CD109: variants seen among roughly 807,000 people sequenced by gnomAD.
CD109 encodes CD109 antigen.
A neutral mutation model predicts 165.8 loss-of-function variants in CD109; 149 were observed. The observed-to-expected ratio is 0.90, with a 90% CI of 0.79 to 1.03. The LOEUF (loss-of-function observed/expected upper bound fraction) is 1.03. Among genes scored for constraint, CD109 ranks in the 50% least tolerant of loss-of-function variants. The pLI is 0.00. For missense variants in CD109, 1,712 were observed against 1,677.8 expected, an observed-to-expected ratio of 1.02 and a Z score of -0.36; for synonymous variants, 585 against 592.1, an observed-to-expected ratio of 0.99 and a Z score of 0.18.
chr6:73,718,480 A>T (rs772310752), intron 2 of CD109, among the ~76,000 whole-genome samples: 108 of 151,964 alleles, frequency 7.1e-4, no homozygotes, highest in Non-Finnish European at 1.3e-3. Flanking sequence ...ATTTTATCAA[A>T]TTTTTTTAAA....
At chr6:73,805,324 G>A (rs756677409) in intron 24 of CD109, among the ~76,000 whole-genome samples, 72 of 152,176 alleles carry the variant, frequency 4.7e-4, no homozygotes, top group Non-Finnish European at 4.3e-4. Flanking sequence ...AAAGAATTAA[G>A]TGCTGTGCTT....
At chr6:73,731,078 C>T (rs1297373598) in intron 4 of CD109, among the ~76,000 whole-genome samples, 3 of 151,484 alleles carry the variant, frequency 2.0e-5, no homozygotes, top group Non-Finnish European at 4.4e-5. Flanking sequence ...TGGAGTTTCA[C>T]TCTTGTTGCC....
At chr6:73,776,819 A>G (rs950838039) in intron 15 of CD109, among the ~76,000 whole-genome samples, 5 of 151,962 alleles carry the variant, frequency 3.3e-5, no homozygotes, top group African/African-American at 1.2e-4. Flanking sequence ...GGCCTCCCAA[A>G]GTGCTGGGGT....
chr6:73,771,043 C>A (rs1447971448), intron 14 of CD109, among the ~76,000 whole-genome samples: 2 of 152,140 alleles, frequency 1.3e-5, no homozygotes, highest in Admixed American at 6.5e-5. Context: ...CTCACGTCAC[C>A]AACATGTAGG....
intron 5 of CD109, among the ~76,000 whole-genome samples, chr6:73,746,406 A>G (rs183835592): frequency 1.3e-5 from 2 of 152,312 alleles, no homozygotes; most frequent in East Asian, 3.9e-4. Flanking sequence ...TTTCCTATTC[A>G]GTACAAACCT....
intron 2 of CD109, among the ~76,000 whole-genome samples, chr6:73,717,058 T>C (rs1582052840): frequency 6.6e-6 from 1 of 152,230 alleles, no homozygotes; most frequent in Non-Finnish European, 1.5e-5. Context: ...TATATGTTCT[T>C]GGCACCTTTG....
chr6:73,808,370 A>C (rs1344035095), intron 26 of CD109, 122 bp downstream of exon 26: 8 of 958,846 alleles, frequency 8.3e-6, no homozygotes, highest in Non-Finnish European at 1.2e-5. Flanking sequence ...AGTAAAACAC[A>C]TAATGAGATC....
At chr6:73,726,337 T>C (rs1341149681) in intron 3 of CD109, among the ~76,000 whole-genome samples, 1 of 152,338 alleles carries the variant, frequency 6.6e-6, no homozygotes, top group African/African-American at 2.4e-5. Flanking sequence ...ATATAAATAT[T>C]GTTTTGTACA....
chr6:73,820,357 G>T, intron 31 of CD109, 104 bp from the exon 32 acceptor site: 3 of 610,932 alleles, frequency 4.9e-6, no homozygotes. Context: ...TCCTCCCTAA[G>T]TGTTAGTCTC....
chr6:73,715,760 G>C (rs959294421), intron 2 of CD109, among the ~76,000 whole-genome samples: 4 of 152,092 alleles, frequency 2.6e-5, no homozygotes, highest in African/African-American at 9.7e-5. Flanking sequence ...TTTGTCCTTT[G>C]TGTTACAAAC....
At chr6:73,823,354 AAT>A in intron 32 of CD109, 102 bp from the exon 33 acceptor site, 1 of 851,076 alleles carries the variant, frequency 1.2e-6, no homozygotes, top group Non-Finnish European at 1.8e-6. Flanking sequence ...TTAGGTTAAG[AAT>A]GGAAAACTCA....
At chr6:73,771,005 A>C (rs1408582898) in intron 14 of CD109, among the ~76,000 whole-genome samples, 1 of 152,092 alleles carries the variant, frequency 6.6e-6, no homozygotes, top group Non-Finnish European at 1.5e-5. Context: ...TGAGTCCCCG[A>C]GGAGCTCTCC....
chr6:73,719,677 G>C (rs1478056502), intron 2 of CD109, among the ~76,000 whole-genome samples: 1 of 152,060 alleles, frequency 6.6e-6, no homozygotes, highest in Non-Finnish European at 1.5e-5. Flanking sequence ...CTACATGGAT[G>C]GTATTCTCAA....
At chr6:73,786,506 C>T (rs1478370432) in intron 20 of CD109, among the ~76,000 whole-genome samples, 3 of 151,812 alleles carry the variant, frequency 2.0e-5, no homozygotes, top group Non-Finnish European at 4.4e-5. Context: ...TACCATGTAA[C>T]AAGCAAAAGA....
At position 73,823,864 on chromosome 6, in the gene CD109, C is replaced by G. The variant is rs1582219165; in HGVS notation, c.*231C>G. 3 of 359,528 alleles carry G rather than the reference C, an allele frequency of 8.3e-6. No individual in the cohort carries two copies. The East Asian group carries it at 1.2e-4, about 15-fold the overall frequency. 22.3% of individuals were successfully genotyped at this position (359,528 alleles called of 1,614,324 possible). A position where few individuals can be genotyped will look rare whatever the true frequency, so the allele number is the denominator to read the frequency against. On this transcript the variant is annotated 3_prime_UTR_variant, in exon 33 of 33. Coordinates refer to ENST00000287097, the MANE Select transcript of CD109 (RefSeq NM_133493.5). ...TGCAGTTGTGTGTCTATATTTTCCC[C>G]TCTCAAAATCTTTTAGAATTTTTTT...
chr6:73,720,200 T>C (rs1160692103), intron 2 of CD109, among the ~76,000 whole-genome samples: 1 of 152,186 alleles, frequency 6.6e-6, no homozygotes, highest in Non-Finnish European at 1.5e-5. Flanking sequence ...GAAGGAGGTC[T>C]TGTCATTTTC....
At chr6:73,727,831 C>A (rs150530322) in intron 3 of CD109, among the ~76,000 whole-genome samples, 3 of 152,206 alleles carry the variant, frequency 2.0e-5, no homozygotes, top group African/African-American at 7.2e-5. Flanking sequence ...TATTCTGGTT[C>A]CTGGTGTATA....
rs150354628 is a variant in CD109 at position 73,745,107 on chromosome 6, T to C, written c.633+8599T>C. Among the ~76,000 whole-genome samples, 135 of 152,274 alleles carry C rather than the reference T, an allele frequency of 8.9e-4. 1 individual carries two copies. The East Asian group carries it at 0.018, about 21-fold the overall frequency. ...TGTGCAGCAATTGCTGTTTTATTTA[T>C]TTATTTATTTTTGAGACAGAGTCTT... On this transcript the variant is annotated intron_variant, in intron 5 of 32. Coordinates refer to ENST00000287097, the MANE Select transcript of CD109 (RefSeq NM_133493.5).
intron 13 of CD109, 97 bp from the exon 14 acceptor site, chr6:73,767,958 G>T (rs1034861616): frequency 2.0e-6 from 2 of 1,010,974 alleles, no homozygotes; most frequent in South Asian, 1.4e-5. Flanking sequence ...TTTAATTCAA[G>T]AATTTGTGTG....
Sources: allele counts gnomAD v4.1 joint callset (sites outside exome capture counted in the v4.1 genomes callset), GRCh38; gene constraint gnomAD v4.1.1; transcripts MANE v1.5; gene names NCBI Gene and HGNC (gene_info 2026-07-23, HGNC 2026-07-21).